The following SYT1 variants were observed in gnomAD, a reference collection of about 807,000 sequenced individuals.
SYT1 encodes synaptotagmin-1.
In SYT1, 8 loss-of-function variants were observed where a neutral mutation model predicts 44.8. The observed-to-expected ratio is 0.18, with a 90% CI of 0.10 to 0.32. The LOEUF is 0.32. SYT1 is among the 10% of genes least tolerant of loss of function. SYT1 has a pLI of 1.00. For missense variants in SYT1, 286 were observed against 509.3 expected (o/e 0.56, Z 4.22); for synonymous variants, 154 against 188.8 (o/e 0.82, Z 1.51).
In SYT1 at chr12:78,986,039, C is replaced by T. The variant is rs1038619959; in HGVS notation, c.-84+8108C>T. Among the ~76,000 whole-genome samples the T allele has an allele frequency of 7.9e-5, 12 of 152,114 alleles. No individual in the cohort carries two copies. In the East Asian group the frequency reaches 2.3e-3, roughly 29 times the overall value. On this transcript the variant is annotated intron_variant, in intron 2 of 10. Transcript: ENST00000261205. ...TTTTTATGTAACCTAGTATTCAAAA[C>T]TTAACTGGTTTTATCAGATTCCATT...
At chr12:78,868,116 G>A (rs1873637367) in intron 1 of SYT1, among the ~76,000 whole-genome samples, 2 of 151,824 alleles carry the variant, frequency 1.3e-5, no homozygotes, top group Non-Finnish European at 3.0e-5. Context: ...CTGAAATATA[G>A]TTCTTATGAT....
intron 2 of SYT1, among the ~76,000 whole-genome samples, chr12:78,978,710 T>C (rs1869027022): frequency 6.6e-6 from 1 of 152,196 alleles, no homozygotes; most frequent in Non-Finnish European, 1.5e-5. Context: ...TACAGAAGTT[T>C]GGATTTCTAA....
intron 2 of SYT1, among the ~76,000 whole-genome samples, chr12:78,992,418 C>A (rs1209672599): frequency 6.6e-6 from 1 of 151,982 alleles, no homozygotes; most frequent in East Asian, 1.9e-4. Flanking sequence ...CAGTGGATGG[C>A]CATGGAATCG....
At chr12:79,244,576 C>T (rs1473787753) in intron 4 of SYT1, among the ~76,000 whole-genome samples, 2 of 151,860 alleles carry the variant, frequency 1.3e-5, no homozygotes, top group East Asian at 3.9e-4. Flanking sequence ...ATGGTGGTGG[C>T]GCCTGTAGTC....
chr12:79,342,215 T>G (rs1167768050), intron 8 of SYT1, among the ~76,000 whole-genome samples: 1 of 151,972 alleles, frequency 6.6e-6, no homozygotes, highest in Admixed American at 6.6e-5. Context: ...TACTTAAGGA[T>G]TTTAAGATTT....
chr12:79,404,635 C>T (rs1288864659), intron 9 of SYT1, among the ~76,000 whole-genome samples: 1 of 152,146 alleles, frequency 6.6e-6, no homozygotes, highest in East Asian at 1.9e-4. Flanking sequence ...AGCCTACATC[C>T]AGGAAGCTTA....
chr12:79,403,987 T>C (rs1369603844), intron 9 of SYT1, among the ~76,000 whole-genome samples: 3 of 152,182 alleles, frequency 2.0e-5, no homozygotes, highest in Non-Finnish European at 4.4e-5. Flanking sequence ...TCTGTGTGTT[T>C]TCATTAAATA....
intron 3 of SYT1, among the ~76,000 whole-genome samples, chr12:79,117,283 A>T (rs978787514): frequency 6.6e-6 from 1 of 151,930 alleles, no homozygotes; most frequent in Non-Finnish European, 1.5e-5. Context: ...GCAGGTTTTC[A>T]CTTTGCATTT....
At chr12:79,263,018 T>G (rs1352805794) in intron 4 of SYT1, among the ~76,000 whole-genome samples, 1 of 152,202 alleles carries the variant, frequency 6.6e-6, no homozygotes, top group South Asian at 2.1e-4. Context: ...TGAAGTTATA[T>G]TAGCATAAAC....
intron 4 of SYT1, among the ~76,000 whole-genome samples, chr12:79,283,542 A>G (rs1431675193): frequency 1.3e-5 from 2 of 152,242 alleles, no homozygotes; most frequent in East Asian, 3.9e-4. Flanking sequence ...ATCACCACAC[A>G]AGTCCAACTG....
At chr12:79,352,195 C>G (rs572331701) in intron 8 of SYT1, among the ~76,000 whole-genome samples, 1 of 140,630 alleles carries the variant, frequency 7.1e-6, no homozygotes, top group South Asian at 2.1e-4. Context: ...CACCCCCCCC[C>G]CAAAAAAAAA....
chr12:78,968,034 G>A (rs1407334986), intron 1 of SYT1, among the ~76,000 whole-genome samples: 4 of 151,894 alleles, frequency 2.6e-5, no homozygotes. Flanking sequence ...GATGGAATGG[G>A]GAACCTAGAT....
chr12:79,420,887 A>G (rs139747011), intron 9 of SYT1, among the ~76,000 whole-genome samples: 3 of 151,570 alleles, frequency 2.0e-5, no homozygotes, highest in Admixed American at 6.6e-5. Context: ...TTCCCTAAGG[A>G]AAAAAAAAGT....
chr12:79,222,293 TTGGAGACCTTTGATTTTTC>T (rs1875210138), intron 4 of SYT1, among the ~76,000 whole-genome samples: 1 of 152,116 alleles, frequency 6.6e-6, no homozygotes, highest in Non-Finnish European at 1.5e-5. Context: ...ATGAATTTAA[TTGGAGACCTTTGATTTTTC>T]TGTATCTGGA....
intron 1 of SYT1, among the ~76,000 whole-genome samples, chr12:78,865,929 A>AC (rs1312177412): frequency 6.6e-6 from 1 of 152,136 alleles, no homozygotes; most frequent in Non-Finnish European, 1.5e-5. Context: ...AAAAAAAAAA[A>AC]AACAATTAAA....
chr12:79,248,124 T>C (rs1486037152), intron 4 of SYT1, among the ~76,000 whole-genome samples: 2 of 152,180 alleles, frequency 1.3e-5, no homozygotes, highest in African/African-American at 4.8e-5. Flanking sequence ...TTAAAGTAGG[T>C]GAACTAATCA....
intron 2 of SYT1, among the ~76,000 whole-genome samples, chr12:79,015,643 G>T (rs770785120): frequency 6.6e-6 from 1 of 151,978 alleles, no homozygotes; most frequent in Non-Finnish European, 1.5e-5. Context: ...AAATATAATC[G>T]CTCCCTATTT....
chr12:79,298,142 T>G (rs964473398), intron 7 of SYT1, among the ~76,000 whole-genome samples: 4 of 152,264 alleles, frequency 2.6e-5, no homozygotes, highest in East Asian at 1.9e-4. Flanking sequence ...ACTGTTGCTC[T>G]TTGAGTACAA....
chr12:79,336,000 C>T (rs1391822120), intron 8 of SYT1, among the ~76,000 whole-genome samples: 1 of 152,150 alleles, frequency 6.6e-6, no homozygotes, highest in Non-Finnish European at 1.5e-5. Flanking sequence ...ATGAAATTGC[C>T]ATATGACCTA....
Sources: allele counts gnomAD v4.1 joint callset (sites outside exome capture counted in the v4.1 genomes callset), GRCh38; gene constraint gnomAD v4.1.1; transcripts MANE v1.5; gene names NCBI Gene and HGNC (gene_info 2026-07-23, HGNC 2026-07-21).